Variants in AP3B1 observed in about 807,000 individuals in gnomAD.
AP3B1 encodes the protein adaptor related protein complex 3 subunit beta 1, also known as AP-3 complex subunit beta-1.
AP3B1 carries 61 observed loss-of-function variants against 132.5 expected under a neutral mutation model. The ratio of observed to expected loss-of-function variants is 0.46; its 90% confidence interval spans 0.37 to 0.57. AP3B1 has a LOEUF of 0.57. Ranked by LOEUF, AP3B1 falls within the 20% of genes least tolerant of loss-of-function variation. AP3B1 has a pLI of 0.00. For missense variants in AP3B1, 1,120 were observed against 1,289.4 expected, an observed-to-expected ratio of 0.87 and a Z score of 2.01; for synonymous variants, 388 against 438.3, an observed-to-expected ratio of 0.89 and a Z score of 1.43.
At chr5:78,274,704 A>C (rs7731739) in intron 1 of AP3B1, among the ~76,000 whole-genome samples, 32,879 of 152,112 alleles carry the variant, frequency 0.22, 4,412 homozygotes, top group Middle Eastern at 0.31. Flanking sequence ...GGATTGCTTA[A>C]GGCCAGGAGT....
chr5:78,047,454 G>A (rs1282298304), intron 22 of AP3B1, among the ~76,000 whole-genome samples: 2 of 152,180 alleles, frequency 1.3e-5, no homozygotes, highest in African/African-American at 2.4e-5. Flanking sequence ...AATGACCAGT[G>A]ATGATGAGCT....
At chr5:78,219,933 C>A (rs1746110434) in intron 6 of AP3B1, among the ~76,000 whole-genome samples, 1 of 152,110 alleles carries the variant, frequency 6.6e-6, no homozygotes. Context: ...AAAACTGCTG[C>A]TGGCAACAAA....
At chr5:78,264,652 C>T (rs1237774811) in intron 2 of AP3B1, among the ~76,000 whole-genome samples, 1 of 152,102 alleles carries the variant, frequency 6.6e-6, no homozygotes, top group Non-Finnish European at 1.5e-5. Context: ...AGCAACAGCC[C>T]CAAGTTGAAT....
At chr5:78,139,041 A>G (rs1043794735) in intron 15 of AP3B1, among the ~76,000 whole-genome samples, 3 of 150,644 alleles carry the variant, frequency 2.0e-5, no homozygotes, top group African/African-American at 7.3e-5. Context: ...AGATCAAGAA[A>G]AAAAAAAAAA....
intron 22 of AP3B1, among the ~76,000 whole-genome samples, chr5:78,062,582 G>A (rs974055588): frequency 1.3e-5 from 2 of 152,110 alleles, no homozygotes; most frequent in Non-Finnish European, 2.9e-5. Context: ...TTTCCGTATA[G>A]CAGTGAATTT....
intron 26 of AP3B1, among the ~76,000 whole-genome samples, chr5:78,010,488 G>A (rs530642046): frequency 1.2e-4 from 19 of 152,280 alleles, no homozygotes; most frequent in African/African-American, 4.3e-4. Flanking sequence ...CGATTTCGGA[G>A]CTACATGTTT....
intron 21 of AP3B1, among the ~76,000 whole-genome samples, chr5:78,096,896 C>T (rs1034446167): frequency 6.8e-6 from 1 of 148,120 alleles, no homozygotes. Flanking sequence ...AGGGGGTCAG[C>T]CCCCCGCCCG....
chr5:78,271,149 C>T (rs1338870279), intron 1 of AP3B1, among the ~76,000 whole-genome samples: 1 of 152,122 alleles, frequency 6.6e-6, no homozygotes, highest in Non-Finnish European at 1.5e-5. Context: ...AGGCAGGGCA[C>T]AGTGGCTCAA....
At chr5:78,259,054 G>A (rs538515357) in intron 2 of AP3B1, among the ~76,000 whole-genome samples, 22 of 152,082 alleles carry the variant, frequency 1.4e-4, no homozygotes, top group African/African-American at 3.6e-4. Flanking sequence ...TGGCTAACAC[G>A]GTGAAACCCC....
chr5:78,151,492 C>A (rs1367384845), intron 14 of AP3B1, among the ~76,000 whole-genome samples: 1 of 152,178 alleles, frequency 6.6e-6, no homozygotes, highest in African/African-American at 2.4e-5. Flanking sequence ...AACTGTGGGT[C>A]TGTCACATAT....
intron 7 of AP3B1, among the ~76,000 whole-genome samples, 154 bp downstream of exon 7, chr5:78,215,901 G>A (rs1745940371): frequency 6.6e-6 from 1 of 152,106 alleles, no homozygotes; most frequent in African/African-American, 2.4e-5. Flanking sequence ...CATTTATATT[G>A]GTTGCCTGCT....
Position 78,113,706 on chromosome 5 carries a change from CT to C in AP3B1, c.2249+45del, listed in dbSNP as rs1561415106. On this transcript the variant is annotated intron_variant, in intron 19 of 26. Transcript: ENST00000255194. ...AAGAAACATCTCTGCCTGGGGCAAA[CT>C]TTCACAGAATATTTTTTGAAGGAAA... 4 of 1,607,362 alleles carry C rather than the reference CT, an allele frequency of 2.5e-6. No individual in the cohort carries two copies. The South Asian group carries it at 4.4e-5, about 18-fold the overall frequency.
At chr5:78,146,642 A>G (rs1307047431) in intron 14 of AP3B1, among the ~76,000 whole-genome samples, 1 of 152,162 alleles carries the variant, frequency 6.6e-6, no homozygotes, top group Non-Finnish European at 1.5e-5. Context: ...TATTTTACAA[A>G]ATCAGCATTG....
chr5:78,137,123 T>C (rs911103677), intron 15 of AP3B1, among the ~76,000 whole-genome samples: 2 of 152,202 alleles, frequency 1.3e-5, no homozygotes, highest in East Asian at 1.9e-4. Flanking sequence ...ATTTTGGATA[T>C]ACAAGATACA....
chr5:78,193,759 TATATA>T (rs1744954746), intron 7 of AP3B1, among the ~76,000 whole-genome samples: 1 of 118,990 alleles, frequency 8.4e-6, no homozygotes, highest in African/African-American at 3.2e-5. Context: ...TATATATATA[TATATA>T]TATATATTTT....
chr5:78,282,198 T>A (rs560194315), intron 1 of AP3B1, among the ~76,000 whole-genome samples: 1 of 152,198 alleles, frequency 6.6e-6, no homozygotes, highest in East Asian at 1.9e-4. Context: ...CAAACTGCCT[T>A]ACCATTTTGC....
chr5:78,056,395 A>T (rs550744071), intron 22 of AP3B1, among the ~76,000 whole-genome samples: 1 of 152,356 alleles, frequency 6.6e-6, no homozygotes, highest in East Asian at 1.9e-4. Context: ...TAAACTGCAG[A>T]AAGTTCAATA....
chr5:78,191,900 G>T (rs1347771866), intron 7 of AP3B1, among the ~76,000 whole-genome samples: 1 of 152,016 alleles, frequency 6.6e-6, no homozygotes, highest in African/African-American at 2.4e-5. Context: ...CGCTCTTATT[G>T]CCCAGGCTGG....
At chr5:78,294,344 A>T in intron 1 of AP3B1, 108 bp downstream of exon 1, 1 of 1,535,246 alleles carries the variant, frequency 6.5e-7, no homozygotes, top group South Asian at 1.1e-5. Flanking sequence ...TGCCCTGCTC[A>T]GACCTCAGGG....
Sources: allele counts gnomAD v4.1 joint callset (sites outside exome capture counted in the v4.1 genomes callset), GRCh38; gene constraint gnomAD v4.1.1; transcripts MANE v1.5; gene names NCBI Gene and HGNC (gene_info 2026-07-23, HGNC 2026-07-21).